MYO10: variants seen among roughly 807,000 people sequenced by gnomAD.
The protein encoded by MYO10 is unconventional myosin-X.
In MYO10, 133 loss-of-function variants were observed where a neutral mutation model predicts 257.3. The observed-to-expected ratio is 0.52, with a 90% CI of 0.45 to 0.60. The LOEUF is 0.60. MYO10 is among the 20% of genes least tolerant of loss of function. The pLI, the probability that MYO10 is intolerant of heterozygous loss-of-function variation, is 0.00. For synonymous variants in MYO10, 1,104 were observed against 1,028.6 expected, an observed-to-expected ratio of 1.07 and a Z score of -1.40; for missense variants, 2,399 against 2,635.7, an observed-to-expected ratio of 0.91 and a Z score of 1.97.
intron 2 of MYO10, among the ~76,000 whole-genome samples, chr5:16,857,791 G>A (rs1744001998): frequency 6.6e-6 from 1 of 152,218 alleles, no homozygotes; most frequent in Non-Finnish European, 1.5e-5. Context: ...ATCCTGGCTG[G>A]TCGCACTGGT....
At chr5:16,788,035 C>T (rs1741641623) in intron 4 of MYO10, among the ~76,000 whole-genome samples, 1 of 152,142 alleles carries the variant, frequency 6.6e-6, no homozygotes, top group South Asian at 2.1e-4. Flanking sequence ...CTCAGGTGAT[C>T]TACCCGCCTC....
At position 16,763,761 on chromosome 5, in the gene MYO10, G is replaced by A. The variant is rs756184145; in HGVS notation, c.1327-6C>T. On this transcript the variant is annotated splice_polypyrimidine_tract_variant and splice_region_variant and intron_variant, in intron 12 of 40. Coordinates refer to ENST00000513610, the MANE Select transcript of MYO10 (RefSeq NM_012334.3). ...AACTGTTCAAAGTGATTAACCTAAG[G>A]GGGGAAAGCATTCAATAAGTATCTT... The A allele has an allele frequency of 2.6e-6, 4 of 1,518,228 alleles. No homozygotes were observed. The highest frequency in any genetic ancestry group is 2.3e-5 in the East Asian group (1 of 44,166). 94.0% of individuals were successfully genotyped at this position (1,518,228 alleles called of 1,614,324 possible). A position where few individuals can be genotyped will look rare whatever the true frequency, so the allele number is the denominator to read the frequency against.
chr5:16,809,769 G>T (rs182180594), intron 3 of MYO10, among the ~76,000 whole-genome samples: 1 of 152,258 alleles, frequency 6.6e-6, no homozygotes, highest in South Asian at 2.1e-4. Flanking sequence ...CTTAAAATTG[G>T]CTCCTTTGAT....
chr5:16,900,148 T>C (rs1745336631), intron 1 of MYO10, among the ~76,000 whole-genome samples: 1 of 152,206 alleles, frequency 6.6e-6, no homozygotes, highest in Non-Finnish European at 1.5e-5. Flanking sequence ...ACAGCAATGT[T>C]TTCTAAATTC....
chr5:16,764,197 C>T, intron 12 of MYO10, 53 bp downstream of exon 12: 1 of 1,575,862 alleles, frequency 6.3e-7, no homozygotes, highest in Non-Finnish European at 8.6e-7. Flanking sequence ...TGTTCAATAG[C>T]AGCTAATCAT....
At chr5:16,792,128 CACACAGAGAGAGAGAGAGAG>C (rs1389734957) in intron 4 of MYO10, among the ~76,000 whole-genome samples, 1 of 137,774 alleles carries the variant, frequency 7.3e-6, no homozygotes, top group Non-Finnish European at 1.5e-5. Context: ...CACACACACA[CACACAGAGAGAGAGAGAGAG>C]AGAGAGAGAG....
chr5:16,824,721 G>C (rs1427329809), intron 2 of MYO10, among the ~76,000 whole-genome samples: 1 of 152,028 alleles, frequency 6.6e-6, no homozygotes, highest in African/African-American at 2.4e-5. Context: ...ACAAAAATTA[G>C]CTGGGCGTGG....
At chr5:16,823,468 A>ATTTTT (rs1173952251) in intron 2 of MYO10, among the ~76,000 whole-genome samples, 73 of 6,436 alleles carry the variant, frequency 0.011, 20 homozygotes, top group African/African-American at 0.025. Context: ...GGGAGTGGGG[A>ATTTTT]TTTTTTTTTT....
At chr5:16,802,520 A>G (rs1466641037) in intron 3 of MYO10, among the ~76,000 whole-genome samples, 3 of 151,600 alleles carry the variant, frequency 2.0e-5, no homozygotes, top group Admixed American at 1.3e-4. Context: ...AGCCGGGCGT[A>G]GTGGCAGGCG....
At chr5:16,899,970 C>T (rs1351547700) in intron 1 of MYO10, among the ~76,000 whole-genome samples, 1 of 137,980 alleles carries the variant, frequency 7.2e-6, no homozygotes, top group Admixed American at 8.5e-5. Flanking sequence ...TGCGCTCCAG[C>T]CTGGGCAACA....
At chr5:16,910,180 T>C (rs890076093) in intron 1 of MYO10, among the ~76,000 whole-genome samples, 3 of 152,246 alleles carry the variant, frequency 2.0e-5, no homozygotes, top group Non-Finnish European at 2.9e-5. Context: ...CACAACAATG[T>C]AGATGCACTG....
At chr5:16,801,966 G>C (rs1224216597) in intron 3 of MYO10, among the ~76,000 whole-genome samples, 2 of 152,198 alleles carry the variant, frequency 1.3e-5, no homozygotes, top group Non-Finnish European at 2.9e-5. Flanking sequence ...TGGAAATTCA[G>C]ACCCTTGCTA....
At chr5:16,889,429 A>G (rs1744981495) in intron 1 of MYO10, among the ~76,000 whole-genome samples, 2 of 151,122 alleles carry the variant, frequency 1.3e-5, no homozygotes, top group African/African-American at 4.9e-5. Context: ...ACTGACAGAA[A>G]GAAGGAAGGA....
rs111542958 is a variant in MYO10 at position 16,683,731 on chromosome 5, G to A, written c.4046+149C>T. On this transcript the variant is annotated intron_variant, in intron 30 of 40. Transcript: ENST00000513610. The stretch of plus-strand genomic sequence containing the variant: ...TGTAAAATTGGGTACCAAGAAGGAA[G>A]ACTGGATTGCTGGGGTTGACAAGGT... 188 of 704,756 alleles carry A rather than the reference G, an allele frequency of 2.7e-4. No individual in the cohort carries two copies. The African/African-American group carries it at 3.0e-3, about 11-fold the overall frequency. 43.7% of individuals were successfully genotyped at this position (704,756 alleles called of 1,614,324 possible).
rs773073340 is a variant in MYO10 at position 16,763,520 on chromosome 5, G to C, written c.1455C>G (p.Asp485Glu). 13 of 1,611,912 alleles carry C rather than the reference G, an allele frequency of 8.1e-6. No homozygotes were observed. The highest frequency in any genetic ancestry group is 1.1e-5 in the Non-Finnish European group (13 of 1,178,480). Residue 485 changes from aspartate to glutamate, a missense_variant, in exon 14 of 41, where the codon GAC (aspartate) becomes GAG (glutamate). Asp to Glu is a conservative substitution (Grantham distance 45). This residue lies in a region of MYO10 where 337 missense variants were observed against 446.8 expected (regional missense o/e 0.75). Transcript: ENST00000513610. ...CCAGGCATTCTCCATTGTCTATCCA[G>C]TCAATATCTTCCCACACTAATCCTT... The part of the protein sequence containing the change: ...SREGLVWEDI[D>E]WIDNGECLDL...
chr5:16,791,117 T>C (rs1319699250), intron 4 of MYO10, among the ~76,000 whole-genome samples: 2 of 152,116 alleles, frequency 1.3e-5, no homozygotes, highest in Non-Finnish European at 2.9e-5. Context: ...TGTTCACTTA[T>C]AAAGCGAGAG....
chr5:16,785,088 T>TA (rs1204856360), intron 4 of MYO10, among the ~76,000 whole-genome samples: 1 of 152,200 alleles, frequency 6.6e-6, no homozygotes, highest in African/African-American at 2.4e-5. Flanking sequence ...CTTGAAATCA[T>TA]AAAGCAAAAG....
At chr5:16,904,486 G>A (rs770717912) in intron 1 of MYO10, among the ~76,000 whole-genome samples, 41 of 152,308 alleles carry the variant, frequency 2.7e-4, no homozygotes, top group Non-Finnish European at 5.6e-4. Context: ...CAGACTTACA[G>A]GACTGAGCCC....
intron 4 of MYO10, among the ~76,000 whole-genome samples, chr5:16,791,804 T>C (rs1283122907): frequency 6.6e-6 from 1 of 152,230 alleles, no homozygotes; most frequent in Non-Finnish European, 1.5e-5. Context: ...ATAATGATCT[T>C]TAAATTCTAA....
Sources: allele counts gnomAD v4.1 joint callset (sites outside exome capture counted in the v4.1 genomes callset), GRCh38; gene constraint gnomAD v4.1.1; regional missense constraint gnomAD v4.1.1; transcripts MANE v1.5; gene names NCBI Gene and HGNC (gene_info 2026-07-23, HGNC 2026-07-21).